The following ZFYVE27 variants were observed in gnomAD, a reference collection of about 807,000 sequenced individuals.
ZFYVE27 encodes zinc finger FYVE-type containing 27.
ZFYVE27 carries 36 observed loss-of-function variants against 52.8 expected under a neutral mutation model. The ratio of observed to expected loss-of-function variants is 0.68; its 90% CI spans 0.52 to 0.90. The LOEUF is 0.90. Among genes scored for constraint, ZFYVE27 ranks in the 40% least tolerant of loss-of-function variants. ZFYVE27 has a pLI of 0.00. For synonymous variants in ZFYVE27, 223 were observed against 215.6 expected, an observed-to-expected ratio of 1.03 and a Z score of -0.30; for missense variants, 450 against 527.2, an observed-to-expected ratio of 0.85 and a Z score of 1.43.
chr10:97,737,830 G>C (rs1438982718), intron 1 of ZFYVE27, among the ~76,000 whole-genome samples: 1 of 152,254 alleles, frequency 6.6e-6, no homozygotes, highest in Non-Finnish European at 1.5e-5. Flanking sequence ...GGCCCAGGAA[G>C]TTGTTGGGAA....
chr10:97,754,849 C>T (rs1325366586), intron 10 of ZFYVE27: 2 of 1,287,196 alleles, frequency 1.6e-6, no homozygotes, highest in African/African-American at 1.5e-5. Flanking sequence ...TCTACAACTT[C>T]TAAGTAAAGG....
chr10:97,758,867 C>T lies in ZFYVE27; in HGVS notation c.1172-369C>T, dbSNP rs565581339. Among the ~76,000 whole-genome samples, 5 of 151,900 alleles carry T rather than the reference C, an allele frequency of 3.3e-5. No individual in the cohort carries two copies. The East Asian group carries it at 5.9e-4, about 18-fold the overall frequency. ...CGCCATCTCGGCTCACTGCAACCTC[C>T]GCCTCTTGGGTTCAAACAATTCTTG... On this transcript the variant is annotated intron_variant, in intron 12 of 12. Coordinates refer to ENST00000684270, the MANE Select transcript of ZFYVE27 (RefSeq NM_001385875.1).
At chr10:97,739,309 T>C (rs1181471289) in intron 2 of ZFYVE27, among the ~76,000 whole-genome samples, 1 of 151,938 alleles carries the variant, frequency 6.6e-6, no homozygotes, top group Non-Finnish European at 1.5e-5. Flanking sequence ...GCTCAAGTGA[T>C]CCTCCTGCCT....
intron 10 of ZFYVE27, among the ~76,000 whole-genome samples, chr10:97,755,232 C>T (rs2136314709): frequency 6.6e-6 from 1 of 152,362 alleles, no homozygotes; most frequent in South Asian, 2.1e-4. Flanking sequence ...TGTTCCCAAG[C>T]TCTTTGCCAT....
At position 97,757,052 on chromosome 10, in the gene ZFYVE27, G is replaced by A. The variant is rs570695957; in HGVS notation, c.1043-213G>A. ...GAAGGGTTCAGGGACTGGTAGCTAT[G>A]TATGGCTGGAGACATCAGTCCTCAG... On this transcript the variant is annotated intron_variant, in intron 10 of 12. Transcript: ENST00000684270. Among the ~76,000 whole-genome samples, 139 of 152,278 alleles carry A rather than the reference G, an allele frequency of 9.1e-4. 2 individuals are homozygous for A. In the South Asian group the frequency reaches 0.02, roughly 22 times the overall value.
intron 3 of ZFYVE27, among the ~76,000 whole-genome samples, chr10:97,744,201 CTTG>C (rs1415554726): frequency 2.0e-5 from 3 of 152,158 alleles, no homozygotes; most frequent in Non-Finnish European, 4.4e-5. Context: ...GCTCTGTTAG[CTTG>C]TTGTTGGGGT....
chr10:97,739,479 TA>T (rs1308581501), intron 2 of ZFYVE27, among the ~76,000 whole-genome samples: 1 of 152,240 alleles, frequency 6.6e-6, no homozygotes, highest in Non-Finnish European at 1.5e-5. Context: ...TTTATTATGT[TA>T]AAATTATTTT....
intron 9 of ZFYVE27, 37 bp downstream of exon 9, chr10:97,752,914 C>G (rs758070526): frequency 1.9e-6 from 3 of 1,613,046 alleles, no homozygotes; most frequent in Non-Finnish European, 2.5e-6. Context: ...AGGGGCTGGG[C>G]TGGGGAGGGT....
At chr10:97,743,058 G>T in intron 2 of ZFYVE27, 36 bp from the exon 3 acceptor site, 1 of 1,612,520 alleles carries the variant, frequency 6.2e-7, no homozygotes, top group South Asian at 1.1e-5. Context: ...CTGGAGGAGT[G>T]ACTCTCTGTA....
intron 5 of ZFYVE27, among the ~76,000 whole-genome samples, chr10:97,749,021 G>C (rs1279015702): frequency 6.6e-6 from 1 of 152,126 alleles, no homozygotes; most frequent in African/African-American, 2.4e-5. Context: ...CTGGTGCCAG[G>C]CACTGCTCAA....
In ZFYVE27 at chr10:97,753,285, G is replaced by T. The variant is rs369157865; in HGVS notation, c.1042+103G>T. The T allele has an allele frequency of 2.7e-6, 4 of 1,480,712 alleles. No individual in the cohort carries two copies. In the African/African-American group the frequency reaches 4.1e-5, roughly 15 times the overall value. 91.7% of individuals were successfully genotyped at this position (1,480,712 alleles called of 1,614,324 possible). A position where few individuals can be genotyped will look rare whatever the true frequency, so the allele number is the denominator to read the frequency against. ...ACAGGGGCAGAGTCTCAGAACTGTG[G>T]GTACTGACTTGTGACAAGAGCAGGG... On this transcript the variant is annotated intron_variant, in intron 10 of 12. Coordinates refer to ENST00000684270, the MANE Select transcript of ZFYVE27 (RefSeq NM_001385875.1).
Position 97,753,168 on chromosome 10 carries a change from C to A in ZFYVE27, c.1028C>A (p.Pro343His). Residue 343 changes from proline to histidine, a missense_variant, in exon 10 of 13, where the codon CCC becomes CAC. Transcript: ENST00000684270. Reference sequence around the variant, plus strand: ...ACGGAGCGGCTCCGCAAGCGCTACCCCACCAACAACTTCGGTGCGGCCAGG... The same window carrying A: ...ACGGAGCGGCTCCGCAAGCGCTACCACACCAACAACTTCGGTGCGGCCAGG... ...RLTERLRKRYPTNNFGNCTGC... is the reference protein window; with the variant it reads ...RLTERLRKRYHTNNFGNCTGC... 1 of 1,611,472 alleles carries A rather than the reference C, an allele frequency of 6.2e-7. No homozygotes were observed.
At chr10:97,754,774 C>T in intron 10 of ZFYVE27, 3 of 1,289,386 alleles carry the variant, frequency 2.3e-6, no homozygotes, top group Non-Finnish European at 3.0e-6. Flanking sequence ...AGCCAGATTC[C>T]AGCAGTGCCC....
At chr10:97,758,792 G>T (rs11189361) in intron 12 of ZFYVE27, among the ~76,000 whole-genome samples, 3,850 of 151,888 alleles carry the variant, frequency 0.025, 61 homozygotes, top group South Asian at 0.048. Flanking sequence ...TACTTATTCT[G>T]TTTTTTTGAG....
At chr10:97,740,474 T>C (rs1403334314) in intron 2 of ZFYVE27, among the ~76,000 whole-genome samples, 1 of 152,256 alleles carries the variant, frequency 6.6e-6, no homozygotes, top group Non-Finnish European at 1.5e-5. Context: ...GCACATTCTT[T>C]GTATGTGTGT....
Position 97,743,151 on chromosome 10 carries a change from C to T in ZFYVE27, c.255C>T (p.Leu85=), listed in dbSNP as rs767037495. ...LTCLGLNVLF[L]TLNEGAWYSV... ...GCCTGGGCCTCAACGTCTTGTTCCT[C>T]ACTTTGAATGAGGGTAAGAACTGCC... Residue 85 remains leucine (L), a synonymous_variant, in exon 3 of 13, where the codon CTC becomes CTT. Coordinates refer to ENST00000684270, the MANE Select transcript of ZFYVE27 (RefSeq NM_001385875.1). 5 of 1,614,188 alleles carry T rather than the reference C, an allele frequency of 3.1e-6. No homozygotes were observed. The highest frequency in any genetic ancestry group is 2.5e-6 in the Non-Finnish European group (3 of 1,180,036).
At chr10:97,748,010 C>A (rs1383191451) in intron 4 of ZFYVE27, among the ~76,000 whole-genome samples, 2 of 152,214 alleles carry the variant, frequency 1.3e-5, no homozygotes, top group Non-Finnish European at 2.9e-5. Context: ...TGCCTGACAT[C>A]AACAGTTAGA....
chr10:97,751,433 C>G lies in ZFYVE27; in HGVS notation c.847C>G (p.Pro283Ala), dbSNP rs949678597. The G allele has an allele frequency of 3.1e-6, 5 of 1,613,894 alleles. No individual in the cohort carries two copies. The highest frequency in any genetic ancestry group is 4.2e-6 in the Non-Finnish European group (5 of 1,179,846). Residue 283 changes from proline (P) to alanine (A), a missense_variant, in exon 8 of 13, where the codon CCA becomes GCA. Transcript: ENST00000684270. Reference sequence around the variant, plus strand: ...CGTGGAGGAGGCTGAGGAGGCTGAGCCAGATGAAGAGTTTAAAGATGCGAT... The same window carrying G: ...CGTGGAGGAGGCTGAGGAGGCTGAGGCAGATGAAGAGTTTAAAGATGCGAT... ...GSVEEAEEAE[P>A]DEEFKDAIEE...
At chr10:97,757,172 G>A (rs1590108653) in intron 10 of ZFYVE27, 93 bp from the exon 11 acceptor site, 1 of 1,577,244 alleles carries the variant, frequency 6.3e-7, no homozygotes. Context: ...GGCTGGGCTG[G>A]TGTCCTGAGT....
Sources: allele counts gnomAD v4.1 joint callset (sites outside exome capture counted in the v4.1 genomes callset), GRCh38; gene constraint gnomAD v4.1.1; transcripts MANE v1.5; gene names NCBI Gene and HGNC (gene_info 2026-07-23, HGNC 2026-07-21).